Variants in CCR5AS observed in about 807,000 individuals in gnomAD.
The protein encoded by CCR5AS is CCR5 antisense RNA.
intron 2 of CCR5AS, chr3:46,373,390 G>A: frequency 6.2e-7 from 1 of 1,612,494 alleles, no homozygotes; most frequent in East Asian, 2.2e-5. Flanking sequence ...TCTCTCCCAG[G>A]AATCATCTTT....
At chr3:46,384,227 G>A (rs113263161) in intron 2 of CCR5AS, among the ~76,000 whole-genome samples, 16,656 of 152,272 alleles carry the variant, frequency 0.11, 1,091 homozygotes, top group Non-Finnish European at 0.15. Context: ...CAGACCAGGT[G>A]TGATGTTTAC....
chr3:46,386,699 A>C (rs6441975), intron 2 of CCR5AS, among the ~76,000 whole-genome samples: 115,181 of 152,100 alleles, frequency 0.76, 44,414 homozygotes, highest in African/African-American at 0.9. Flanking sequence ...ATCTTTGAGA[A>C]AACTGGAGAA....
At chr3:46,396,837 A>G (rs1701965339) in intron 1 of CCR5AS, among the ~76,000 whole-genome samples, 1 of 152,204 alleles carries the variant, frequency 6.6e-6, no homozygotes, top group South Asian at 2.1e-4. Flanking sequence ...AGTCTGCTGC[A>G]TACAACTCTC....
In CCR5AS at chr3:46,371,233, A is replaced by G. The variant is rs1484933959; in HGVS notation, n.565+11T>C. Reference sequence around the variant, plus strand: ...GGGAGCAATAGTATTTTAATAACTAACAATCCTTACCTCTCAAAAGAAAGA... The same window carrying G: ...GGGAGCAATAGTATTTTAATAACTAGCAATCCTTACCTCTCAAAAGAAAGA... On this transcript the variant is annotated intron_variant and non_coding_transcript_variant, in intron 3 of 3. Coordinates refer to ENST00000451485, the Ensembl canonical transcript of CCR5AS. 3 of 152,354 alleles carry G rather than the reference A, an allele frequency of 2.0e-5. No homozygotes were observed. The East Asian group carries it at 5.8e-4, about 29-fold the overall frequency. The allele number at this position is 152,354 out of a possible 1,614,324, so 9.4% of individuals were successfully genotyped here.
At chr3:46,387,334 G>A (rs776387621) in intron 2 of CCR5AS, among the ~76,000 whole-genome samples, 3 of 152,192 alleles carry the variant, frequency 2.0e-5, no homozygotes, top group Non-Finnish European at 2.9e-5. Context: ...CCACATGTCC[G>A]GTAGTTCCTT....
chr3:46,385,424 G>T (rs1317954461), intron 2 of CCR5AS, among the ~76,000 whole-genome samples: 1 of 152,142 alleles, frequency 6.6e-6, no homozygotes, highest in African/African-American at 2.4e-5. Context: ...GTGAGCCAAG[G>T]CTGGTTAAAA....
chr3:46,390,114 A>C (rs982987113), intron 2 of CCR5AS, among the ~76,000 whole-genome samples: 2 of 152,190 alleles, frequency 1.3e-5, no homozygotes, highest in African/African-American at 4.8e-5. Context: ...GCCTGGCCAA[A>C]GTAATGTGGG....
chr3:46,376,297 C>G (rs1380558911), intron 2 of CCR5AS: 1 of 152,552 alleles, frequency 6.6e-6, no homozygotes, highest in Non-Finnish European at 1.5e-5. Context: ...TGTTTTCTTC[C>G]TTAGTGTGTG....
intron 2 of CCR5AS, among the ~76,000 whole-genome samples, chr3:46,383,015 T>A (rs1362194981): frequency 6.6e-6 from 1 of 152,162 alleles, no homozygotes; most frequent in East Asian, 1.9e-4. Context: ...GTTAGCCACT[T>A]TAATAATTTG....
intron 2 of CCR5AS, among the ~76,000 whole-genome samples, chr3:46,381,298 G>T (rs919655726): frequency 6.6e-6 from 1 of 152,134 alleles, no homozygotes; most frequent in Non-Finnish European, 1.5e-5. Flanking sequence ...CCTTATCCCT[G>T]CAGTGAGCCA....
At chr3:46,372,111 G>T (rs1027404805) in intron 2 of CCR5AS, among the ~76,000 whole-genome samples, 1 of 152,204 alleles carries the variant, frequency 6.6e-6, no homozygotes, top group African/African-American at 2.4e-5. Flanking sequence ...TTAAATGAAT[G>T]AATGGGTATG....
intron 2 of CCR5AS, among the ~76,000 whole-genome samples, chr3:46,390,565 T>C (rs962921486): frequency 1.3e-5 from 2 of 151,924 alleles, no homozygotes; most frequent in Non-Finnish European, 2.9e-5. Flanking sequence ...TGATAAGGGG[T>C]GCATGATCGG....
chr3:46,376,536 G>C (rs1192265562), intron 2 of CCR5AS, among the ~76,000 whole-genome samples: 1 of 152,150 alleles, frequency 6.6e-6, no homozygotes, highest in Non-Finnish European at 1.5e-5. Context: ...TTTTAAAAAA[G>C]AGAATTGGTG....
At chr3:46,395,142 G>A (rs997612743) in intron 1 of CCR5AS, among the ~76,000 whole-genome samples, 7 of 152,122 alleles carry the variant, frequency 4.6e-5, no homozygotes, top group African/African-American at 1.2e-4. Flanking sequence ...TGGATTATCA[G>A]GACTTTTAGG....
At chr3:46,394,444 C>T (rs1474924392) in intron 1 of CCR5AS, among the ~76,000 whole-genome samples, 1 of 152,190 alleles carries the variant, frequency 6.6e-6, no homozygotes, top group South Asian at 2.1e-4. Context: ...TGTCCACAAG[C>T]ACTCTCTCTT....
chr3:46,387,701 G>A (rs1701875302), intron 2 of CCR5AS, among the ~76,000 whole-genome samples: 2 of 152,182 alleles, frequency 1.3e-5, no homozygotes, highest in Admixed American at 1.3e-4. Context: ...GTGCATTCAT[G>A]TTAAGAGACC....
At chr3:46,389,965 C>T (rs1338524348) in intron 2 of CCR5AS, among the ~76,000 whole-genome samples, 1 of 152,036 alleles carries the variant, frequency 6.6e-6, no homozygotes, top group Non-Finnish European at 1.5e-5. Flanking sequence ...CTTTGTACCC[C>T]TTTGAGTAAA....
At chr3:46,381,217 CCTGT>C (rs1701813686) in intron 2 of CCR5AS, among the ~76,000 whole-genome samples, 1 of 152,146 alleles carries the variant, frequency 6.6e-6, no homozygotes, top group African/African-American at 2.4e-5. Flanking sequence ...TAGAAAAGGG[CCTGT>C]CTGAGATGTT....
chr3:46,384,186 G>A (rs767795927), intron 2 of CCR5AS, among the ~76,000 whole-genome samples: 6 of 152,244 alleles, frequency 3.9e-5, no homozygotes, highest in Non-Finnish European at 5.9e-5. Context: ...AGGAAGTGGT[G>A]TCTGATTTAC....
Sources: gnomAD v4.1 joint callset for allele counts (sites outside exome capture counted in the v4.1 genomes callset) on GRCh38, gnomAD v4.1.1 for gene constraint, MANE v1.5 for transcripts, NCBI Gene and HGNC (gene_info 2026-07-23, HGNC 2026-07-21) for gene names.